The following DAPK2 variants were observed in gnomAD, a reference collection of about 807,000 sequenced individuals.
DAPK2 encodes death-associated protein kinase 2.
DAPK2 carries 35 observed loss-of-function variants against 44.1 expected under a neutral mutation model. The observed-to-expected ratio is 0.79, with a 90% CI of 0.61 to 1.05. The LOEUF is 1.05. Ranked by LOEUF, DAPK2 falls within the 50% of genes least tolerant of loss-of-function variation. The probability of loss-of-function intolerance (pLI) is 0.00; values close to 1 mark genes in which losing one functional copy is unlikely to be tolerated. For missense variants in DAPK2, 453 were observed against 483.2 expected (o/e 0.94, Z 0.59); for synonymous variants, 174 against 182.6 (o/e 0.95, Z 0.38).
At chr15:63,940,164 C>T (rs1365026258) in intron 3 of DAPK2, among the ~76,000 whole-genome samples, 1 of 152,330 alleles carries the variant, frequency 6.6e-6, no homozygotes, top group East Asian at 1.9e-4. Flanking sequence ...AGACTACGGT[C>T]CCCTCTGCCT....
intron 1 of DAPK2, among the ~76,000 whole-genome samples, chr15:64,021,961 T>A (rs563244112): frequency 1.3e-5 from 2 of 152,282 alleles, no homozygotes; most frequent in African/African-American, 4.8e-5. Context: ...ACTAAGTTGG[T>A]CACATCACTC....
chr15:63,983,022 T>A (rs1018492506), intron 2 of DAPK2, among the ~76,000 whole-genome samples: 1 of 152,194 alleles, frequency 6.6e-6, no homozygotes, highest in Non-Finnish European at 1.5e-5. Context: ...AAATAATAGC[T>A]ATTATTATAA....
chr15:64,023,103 T>G (rs372528354), intron 1 of DAPK2, among the ~76,000 whole-genome samples: 1 of 152,222 alleles, frequency 6.6e-6, no homozygotes, highest in South Asian at 2.1e-4. Flanking sequence ...AGCAAGGGTT[T>G]ACAGAGTCTC....
At chr15:63,924,733 C>T (rs928385235) in intron 8 of DAPK2, 83 bp downstream of exon 9, 1 of 1,472,096 alleles carries the variant, frequency 6.8e-7, no homozygotes, top group African/African-American at 1.4e-5. Context: ...TCTCCATGGG[C>T]CCTCTGCATC....
intron 3 of DAPK2, among the ~76,000 whole-genome samples, chr15:63,951,851 C>CATG (rs1358768080): frequency 4.6e-5 from 7 of 152,354 alleles, no homozygotes; most frequent in African/African-American, 1.7e-4. Flanking sequence ...CTCATTCATT[C>CATG]ACCCATTCAC....
chr15:64,007,881 A>G (rs1010543233), intron 1 of DAPK2, among the ~76,000 whole-genome samples: 1 of 152,212 alleles, frequency 6.6e-6, no homozygotes, highest in Non-Finnish European at 1.5e-5. Context: ...TCATGGATGG[A>G]CCTTGAAAAT....
upstream of DAPK2, among the ~76,000 whole-genome samples, chr15:64,045,151 A>C (rs991403471): frequency 6.6e-6 from 1 of 152,188 alleles, no homozygotes; most frequent in Non-Finnish European, 1.5e-5. Context: ...GGGCAGGGTC[A>C]GTGCGGGTCT....
At chr15:63,910,088 T>TA (rs1311850285) in intron 10 of DAPK2, among the ~76,000 whole-genome samples, 5 of 152,226 alleles carry the variant, frequency 3.3e-5, no homozygotes, top group South Asian at 2.1e-4. Context: ...AGCCAAACAG[T>TA]AAAAAAATAA....
upstream of DAPK2, among the ~76,000 whole-genome samples, chr15:64,042,931 T>C (rs1183080408): frequency 1.3e-5 from 2 of 152,226 alleles, no homozygotes; most frequent in East Asian, 3.8e-4. This position sits in a 1 kb window ranked among gnomAD's most constrained non-coding sequence, Gnocchi z 4.7. Context: ...CCTCTTCAAG[T>C]TCTCCCAGAG....
chr15:63,979,270 C>G (rs1478173166), intron 2 of DAPK2, among the ~76,000 whole-genome samples: 1 of 152,194 alleles, frequency 6.6e-6, no homozygotes. Flanking sequence ...ACAATTAAAT[C>G]CTTCCCAGTC....
At chr15:64,016,835 GGAGGGAAGGAA>G in intron 1 of DAPK2, among the ~76,000 whole-genome samples, 3 of 100,938 alleles carry the variant, frequency 3.0e-5, no homozygotes, top group Non-Finnish European at 6.1e-5. Flanking sequence ...AAGGAAGGAA[GGAGGGAAGGAA>G]GGAAGGAAGG....
At chr15:63,984,875 C>T (rs1234266966) in intron 1 of DAPK2, among the ~76,000 whole-genome samples, 1 of 152,212 alleles carries the variant, frequency 6.6e-6, no homozygotes, top group Non-Finnish European at 1.5e-5. Flanking sequence ...ATCTGAACCA[C>T]TCCATCATTA....
intron 1 of DAPK2, among the ~76,000 whole-genome samples, chr15:64,036,766 C>T (rs2080223566): frequency 6.6e-6 from 1 of 152,030 alleles, no homozygotes; most frequent in African/African-American, 2.4e-5. Flanking sequence ...TCACTGACAG[C>T]CAAGTAAAGA....
chr15:64,019,379 AG>A (rs1483555621), intron 1 of DAPK2, among the ~76,000 whole-genome samples: 2 of 152,266 alleles, frequency 1.3e-5, no homozygotes. Context: ...TTTATTCGGA[AG>A]AGTAGCTTCT....
chr15:63,957,874 T>G (rs943230737), intron 3 of DAPK2, among the ~76,000 whole-genome samples: 8 of 152,176 alleles, frequency 5.3e-5, no homozygotes, highest in African/African-American at 1.9e-4. Context: ...ATATGCCCAG[T>G]AATGGTATGG....
chr15:64,044,956 C>T (rs1156662343), upstream of DAPK2, among the ~76,000 whole-genome samples: 1 of 152,194 alleles, frequency 6.6e-6, no homozygotes, highest in Non-Finnish European at 1.5e-5. Flanking sequence ...CATTACAGAG[C>T]TCCTCTCTAC....
chr15:64,003,901 G>A (rs2079161014), intron 1 of DAPK2, among the ~76,000 whole-genome samples: 1 of 152,168 alleles, frequency 6.6e-6, no homozygotes, highest in African/African-American at 2.4e-5. Flanking sequence ...CATGGCACCT[G>A]GCCTATCACA....
At chr15:63,940,347 C>A (rs1176995103) in intron 3 of DAPK2, among the ~76,000 whole-genome samples, 1 of 151,888 alleles carries the variant, frequency 6.6e-6, no homozygotes, top group Non-Finnish European at 1.5e-5. Context: ...ACACCCATAG[C>A]ACATCTAGTA....
chr15:64,008,219 T>A (rs1009068200), intron 1 of DAPK2, among the ~76,000 whole-genome samples: 18 of 152,198 alleles, frequency 1.2e-4, no homozygotes, highest in Admixed American at 9.8e-4. Context: ...TCTGTTTTTT[T>A]AAAAAAGAAC....
Sources: allele counts gnomAD v4.1 joint callset (sites outside exome capture counted in the v4.1 genomes callset), GRCh38; gene constraint gnomAD v4.1.1; non-coding constraint Gnocchi (gnomAD v3.1); transcripts MANE v1.5; gene names NCBI Gene and HGNC (gene_info 2026-07-23, HGNC 2026-07-21).